Variants in ZEB1 observed in about 807,000 individuals in gnomAD.
ZEB1 encodes zinc finger E-box-binding homeobox 1.
ZEB1 carries 21 observed loss-of-function variants against 84.9 expected under a neutral mutation model. That is an observed-to-expected ratio of 0.25 (90% CI 0.18 to 0.36). The LOEUF is 0.36. Ranked by LOEUF, ZEB1 falls within the 10% of genes least tolerant of loss-of-function variation. ZEB1 has a pLI of 1.00. For missense variants in ZEB1, 1,104 were observed against 1,330.2 expected, an observed-to-expected ratio of 0.83 and a Z score of 2.65; for synonymous variants, 420 against 471.1, an observed-to-expected ratio of 0.89 and a Z score of 1.41.
chr10:31,473,522 AAGG>A (rs2063592274), intron 2 of ZEB1, among the ~76,000 whole-genome samples: 1 of 152,006 alleles, frequency 6.6e-6, no homozygotes, highest in Non-Finnish European at 1.5e-5. Flanking sequence ...GGACCTCTTC[AAGG>A]AGAACTACAA....
intron 1 of ZEB1, among the ~76,000 whole-genome samples, chr10:31,421,633 C>T (rs2056175382): frequency 6.6e-6 from 1 of 152,058 alleles, no homozygotes. Flanking sequence ...AAAGCTTAGA[C>T]ATTGCCTCCC....
At chr10:31,466,659 A>T (rs2062465837) in intron 2 of ZEB1, among the ~76,000 whole-genome samples, 1 of 152,224 alleles carries the variant, frequency 6.6e-6, no homozygotes, top group Non-Finnish European at 1.5e-5. Context: ...AAGAATAAGG[A>T]ATGATCTTAA....
intron 2 of ZEB1, among the ~76,000 whole-genome samples, chr10:31,493,767 A>G (rs906676384): frequency 4.7e-4 from 71 of 151,986 alleles, no homozygotes; most frequent in African/African-American, 1.7e-3. Flanking sequence ...CCATGGTCTT[A>G]GTTGCTCAAC....
At chr10:31,351,299 T>C (rs1014673227) in intron 1 of ZEB1, among the ~76,000 whole-genome samples, 1 of 152,220 alleles carries the variant, frequency 6.6e-6, no homozygotes, top group African/African-American at 2.4e-5. Flanking sequence ...ATAGAATCTT[T>C]CGTAGTGTCT....
chr10:31,403,733 G>T (rs111970453), intron 1 of ZEB1, among the ~76,000 whole-genome samples: 88 of 151,874 alleles, frequency 5.8e-4, no homozygotes, highest in Non-Finnish European at 1.1e-3. Context: ...AGTATATTAT[G>T]TATATTATAT....
chr10:31,430,368 T>A (rs910450944), intron 1 of ZEB1, among the ~76,000 whole-genome samples: 2 of 152,152 alleles, frequency 1.3e-5, no homozygotes, highest in African/African-American at 4.8e-5. Context: ...ATCTTATAAG[T>A]AGTTATTATT....
At position 31,444,575 on chromosome 10, in the gene ZEB1, T is replaced by G. The variant is rs1357027985; in HGVS notation, c.59-16462T>G. Among the ~76,000 whole-genome samples the G allele has an allele frequency of 2.0e-5, 3 of 151,456 alleles. 1 individual carries two copies. Among genetic ancestry groups the G allele is most frequent in the Admixed American group, 2.0e-4 (3 of 15,204 alleles). On this transcript the variant is annotated intron_variant, in intron 1 of 8. Coordinates refer to ENST00000424869, the MANE Select transcript of ZEB1 (RefSeq NM_001174096.2). ...TAAAGTTTAAATCTTTAATCCATCT[T>G]GAATTGATTTTTGTATAAGGTGTAA... is the stretch of plus-strand genomic sequence containing the variant.
intron 1 of ZEB1, among the ~76,000 whole-genome samples, chr10:31,354,215 C>T (rs2041766389): frequency 6.6e-6 from 1 of 152,126 alleles, no homozygotes; most frequent in African/African-American, 2.4e-5. Context: ...TTCATCTTTT[C>T]ATTTTCAAAC....
intron 1 of ZEB1, among the ~76,000 whole-genome samples, chr10:31,426,321 C>T (rs1564814771): frequency 1.3e-5 from 2 of 152,004 alleles, no homozygotes; most frequent in African/African-American, 4.8e-5. Context: ...CTCATCCCAC[C>T]CCCATGACTC....
chr10:31,340,702 T>G (rs2039187761), intron 1 of ZEB1, among the ~76,000 whole-genome samples: 1 of 152,150 alleles, frequency 6.6e-6, no homozygotes, highest in Admixed American at 6.6e-5. Context: ...AACAGACACT[T>G]GTATAAAGCA....
chr10:31,378,426 C>T (rs1200409884), intron 1 of ZEB1, among the ~76,000 whole-genome samples: 3 of 151,354 alleles, frequency 2.0e-5, no homozygotes, highest in Non-Finnish European at 4.4e-5. Flanking sequence ...AATAGATGCC[C>T]TTTATAGGCT....
chr10:31,435,355 A>C (rs909521326), intron 1 of ZEB1, among the ~76,000 whole-genome samples: 1 of 152,232 alleles, frequency 6.6e-6, no homozygotes, highest in Non-Finnish European at 1.5e-5. Flanking sequence ...TGAAATAATA[A>C]ATGTATGCTA....
chr10:31,488,623 A>C (rs1374159996), intron 2 of ZEB1, among the ~76,000 whole-genome samples: 1 of 150,626 alleles, frequency 6.6e-6, no homozygotes, highest in Admixed American at 6.6e-5. Flanking sequence ...CACAATTCAG[A>C]ATTTTGATCT....
chr10:31,439,442 T>C (rs888849846), intron 1 of ZEB1, among the ~76,000 whole-genome samples: 2 of 152,124 alleles, frequency 1.3e-5, no homozygotes, highest in African/African-American at 4.8e-5. Context: ...AAACCTTGCA[T>C]ATGTCAGGCG....
intron 1 of ZEB1, among the ~76,000 whole-genome samples, chr10:31,450,947 C>G (rs2060491403): frequency 6.6e-6 from 1 of 151,850 alleles, no homozygotes; most frequent in Non-Finnish European, 1.5e-5. Flanking sequence ...TATATCCTTC[C>G]TCAGATTTTA....
intron 1 of ZEB1, among the ~76,000 whole-genome samples, chr10:31,400,861 TA>T (rs146265673): frequency 0.015 from 2,309 of 152,332 alleles, 44 homozygotes; most frequent in African/African-American, 0.052. Context: ...ATTTCATAAT[TA>T]TTTTTTCTTG....
intron 1 of ZEB1, among the ~76,000 whole-genome samples, chr10:31,379,495 CACAGTA>C (rs2047265825): frequency 1.3e-5 from 2 of 151,830 alleles, no homozygotes; most frequent in African/African-American, 4.8e-5. Context: ...TCTACACACA[CACAGTA>C]ACAGTATGTG....
chr10:31,491,367 T>C (rs992975283), intron 2 of ZEB1, among the ~76,000 whole-genome samples: 1 of 151,810 alleles, frequency 6.6e-6, no homozygotes, highest in Non-Finnish European at 1.5e-5. Context: ...CTTGCAGTTA[T>C]CATTATCTCT....
intron 4 of ZEB1, among the ~76,000 whole-genome samples, chr10:31,508,386 C>T (rs924255364): frequency 1.1e-4 from 17 of 151,992 alleles, no homozygotes; most frequent in African/African-American, 4.1e-4. Flanking sequence ...GGCAGGACAC[C>T]CTCTGGTTCC....
Sources: allele counts gnomAD v4.1 joint callset (sites outside exome capture counted in the v4.1 genomes callset), GRCh38; gene constraint gnomAD v4.1.1; transcripts MANE v1.5; gene names NCBI Gene and HGNC (gene_info 2026-07-23, HGNC 2026-07-21).